ELFN1: variants seen among roughly 807,000 people sequenced by gnomAD.
ELFN1 encodes the protein protein ELFN1.
A neutral mutation model predicts 7.6 loss-of-function variants in ELFN1; 6 were observed. The ratio of observed to expected loss-of-function variants is 0.79; its 90% CI spans 0.43 to 1.56. The LOEUF is 1.56. Ranked by LOEUF, ELFN1 falls within the 40% of genes most tolerant of loss-of-function variation. The pLI is 0.01. For synonymous variants in ELFN1, 657 were observed against 588.1 expected (o/e 1.12, Z -1.70); for missense variants, 1,169 against 1,232.2 (o/e 0.95, Z 0.77).
chr7:1,717,205 C>T (rs1779862283), intron 3 of ELFN1, among the ~76,000 whole-genome samples: 1 of 152,194 alleles, frequency 6.6e-6, no homozygotes, highest in African/African-American at 2.4e-5. Flanking sequence ...AGAGCCGGAG[C>T]TCAGGAGAGC....
At chr7:1,684,817 AT>A (rs1371222042) in intron 1 of ELFN1, among the ~76,000 whole-genome samples, 2 of 152,156 alleles carry the variant, frequency 1.3e-5, no homozygotes, top group Non-Finnish European at 2.9e-5. Context: ...GTTATAACAT[AT>A]AACAATATAG....
intron 3 of ELFN1, among the ~76,000 whole-genome samples, chr7:1,736,740 G>C (rs1338709693): frequency 6.6e-6 from 1 of 152,174 alleles, no homozygotes; most frequent in South Asian, 2.1e-4. Flanking sequence ...TGTTAGGATG[G>C]GGGAAACTGA....
At position 1,739,946 on chromosome 7, in the gene ELFN1, GGTTT is replaced by G. The variant is rs1309112903; in HGVS notation, c.-293-4353_-293-4350del. ...GGCTGGAAGTTACACAGGTCAAGTT[GGTTT>G]GTTTTATGGAAGGTTCTAGAACTAC... On this transcript the variant is annotated intron_variant, in intron 3 of 3. Coordinates refer to ENST00000424383, the MANE Select transcript of ELFN1 (RefSeq NM_001128636.4). The surrounding 1 kb of genome is among the most constrained non-coding windows in gnomAD (Gnocchi z 4.6). 3.3e-5 allele frequency among the ~76,000 whole-genome samples: 5 copies of G among 152,196 alleles called. No individual in the cohort carries two copies. The highest frequency in any genetic ancestry group is 2.6e-4 in the Admixed American group (4 of 15,288).
chr7:1,743,742 G>C (rs1199879312), intron 3 of ELFN1, among the ~76,000 whole-genome samples: 1 of 152,198 alleles, frequency 6.6e-6, no homozygotes, highest in Non-Finnish European at 1.5e-5. Context: ...AGTGCGCAGG[G>C]TAGCTCCTAC....
Position 1,673,865 on chromosome 7 carries a change from C to T in ELFN1, c.-549+3511C>T, listed in dbSNP as rs1047456452. On this transcript the variant is annotated intron_variant, in intron 1 of 3. Transcript: ENST00000424383. This position sits in a 1 kb window ranked among gnomAD's most constrained non-coding sequence, Gnocchi z 4.7. ...GAGCTGTGGCTGGACCAGGCCTCCA[C>T]ACCTGTAGAGCTGTCCTGGGGCAGC... is the stretch of plus-strand genomic sequence containing the variant. 2.6e-5 allele frequency among the ~76,000 whole-genome samples: 4 copies of T among 152,238 alleles called. No homozygotes were observed. The highest frequency in any genetic ancestry group is 4.4e-5 in the Non-Finnish European group (3 of 68,040).
chr7:1,693,120 A>G, intron 2 of ELFN1: 1 of 345,804 alleles, frequency 2.9e-6, no homozygotes. Flanking sequence ...TAAGGGGTGC[A>G]GGCCCCCAGG....
chr7:1,725,014 C>G (rs1780147477), intron 3 of ELFN1, among the ~76,000 whole-genome samples: 3 of 152,224 alleles, frequency 2.0e-5, no homozygotes, highest in Admixed American at 2.0e-4. Flanking sequence ...GGGAGGGGCA[C>G]AGCCCAGGAG....
chr7:1,674,114 G>A (rs1445287044), intron 1 of ELFN1, among the ~76,000 whole-genome samples: 5 of 151,792 alleles, frequency 3.3e-5, no homozygotes, highest in African/African-American at 1.2e-4. Flanking sequence ...AGCCAGTGGG[G>A]AAACTGAGTC....
At chr7:1,680,737 AT>A (rs967183963) in intron 1 of ELFN1, among the ~76,000 whole-genome samples, 2,188 of 128,908 alleles carry the variant, frequency 0.017, 26 homozygotes, top group African/African-American at 0.051. Flanking sequence ...TGGATTTACA[AT>A]TTTTTTTTTT....
rs373993955 is a variant in ELFN1 at position 1,699,557 on chromosome 7, C to G, written c.-455-9534C>G. 5.3e-5 allele frequency among the ~76,000 whole-genome samples: 8 copies of G among 152,250 alleles called. 1 individual carries two copies. In the South Asian group the frequency reaches 1.0e-3, roughly 20 times the overall value. On this transcript the variant is annotated intron_variant, in intron 2 of 3. Coordinates refer to ENST00000424383, the MANE Select transcript of ELFN1 (RefSeq NM_001128636.4). ...TCAGGAGGCTGAGGTGGGAGGATCA[C>G]CTGAGCCCTAAGGGGTCCAGGTTGC...
At chr7:1,701,500 T>G (rs1779427904) in intron 2 of ELFN1, among the ~76,000 whole-genome samples, 1 of 152,240 alleles carries the variant, frequency 6.6e-6, no homozygotes, top group Non-Finnish European at 1.5e-5. Context: ...AATTCTTCCC[T>G]GTCTCTCAGT....
intron 1 of ELFN1, among the ~76,000 whole-genome samples, chr7:1,671,863 C>T (rs1485276249): frequency 6.6e-6 from 1 of 152,220 alleles, no homozygotes; most frequent in Admixed American, 6.5e-5. Flanking sequence ...GGGGGTCACC[C>T]CCTCACCTGG....
rs1235303009 is a variant in ELFN1, at chr7:1,744,770, C to G, written c.174C>G (p.Ile58Met). ...QPPYEAIPQQINSTIVDLRLN... is the reference protein window; with the variant it reads ...QPPYEAIPQQMNSTIVDLRLN... ...CCTACGAGGCCATCCCACAGCAGAT[C>G]AACAGCACCATCGTGGACCTGCGGC... is the stretch of plus-strand genomic sequence containing the variant. The change falls in exon 4 of 4, where the codon ATC becomes ATG. Residue 58 changes from isoleucine (I) to methionine (M), a missense_variant. This residue lies in a region of ELFN1 where 255 missense variants were observed against 359.6 expected (regional missense o/e 0.71). Coordinates refer to ENST00000424383, the MANE Select transcript of ELFN1 (RefSeq NM_001128636.4). 2 of 1,554,968 alleles carry G rather than the reference C, an allele frequency of 1.3e-6. No individual in the cohort carries two copies. Among genetic ancestry groups the G allele is most frequent in the African/African-American group, 2.7e-5 (2 of 73,250 alleles).
Position 1,747,222 on chromosome 7 carries a change from G to A in ELFN1, c.*139G>A, listed in dbSNP as rs1188522011. 1.9e-6 allele frequency: 2 copies of A among 1,030,324 alleles called. No individual in the cohort carries two copies. Among genetic ancestry groups the A allele is most frequent in the East Asian group, 2.9e-5 (1 of 34,792 alleles). The allele number at this position is 1,030,324 out of a possible 1,614,324, so 63.8% of individuals were successfully genotyped here. ...CCCTGCAGAGGCGAGGGGGGAGCGA[G>A]TGGGGACAGACAAGGGGGACACGTC... On this transcript the variant is annotated 3_prime_UTR_variant, in exon 4 of 4. Coordinates refer to ENST00000424383, the MANE Select transcript of ELFN1 (RefSeq NM_001128636.4).
rs1415256681 is a variant in ELFN1, at chr7:1,740,719, C to A, written c.-293-3585C>A. ...TAGCACAGCACCTGTCCAGCCTCTC[C>A]CCCCCGGCCCCTGACAGGAGGCTGC... On this transcript the variant is annotated intron_variant, in intron 3 of 3. Coordinates refer to ENST00000424383, the MANE Select transcript of ELFN1 (RefSeq NM_001128636.4). The surrounding 1 kb of genome is among the most constrained non-coding windows in gnomAD (Gnocchi z 5.0). 6.6e-6 allele frequency among the ~76,000 whole-genome samples: 1 copy of A among 152,166 alleles called. No homozygotes were observed. Among genetic ancestry groups the A allele is most frequent in the East Asian group, 1.9e-4 (1 of 5,178 alleles).
intron 2 of ELFN1, among the ~76,000 whole-genome samples, chr7:1,701,157 T>A (rs1779421031): frequency 6.6e-6 from 1 of 151,360 alleles, no homozygotes; most frequent in South Asian, 2.1e-4. Context: ...GGTGCACGCA[T>A]GTGTGTGTAT....
intron 2 of ELFN1, among the ~76,000 whole-genome samples, chr7:1,708,026 C>G (rs1534790): frequency 0.27 from 41,287 of 152,002 alleles, 5,780 homozygotes; most frequent in Non-Finnish European, 0.3. Context: ...CGCCTCTGCA[C>G]CAACCTCGCG....
In ELFN1 at chr7:1,680,811, G is replaced by C. The variant is rs552536349; in HGVS notation, c.-548-7247G>C. 1.7e-4 allele frequency among the ~76,000 whole-genome samples: 25 copies of C among 146,764 alleles called. No homozygotes were observed. In the South Asian group the frequency reaches 3.6e-3, roughly 21 times the overall value. ...GGCTGGAGTGCAGTGGTGCGTTCTC[G>C]GCTCACAGCAGCCTCCGCCTCCTGG... is the stretch of plus-strand genomic sequence containing the variant. On this transcript the variant is annotated intron_variant, in intron 1 of 3. Coordinates refer to ENST00000424383, the MANE Select transcript of ELFN1 (RefSeq NM_001128636.4).
chr7:1,683,482 C>T (rs1264940550), intron 1 of ELFN1, among the ~76,000 whole-genome samples: 2 of 151,998 alleles, frequency 1.3e-5, no homozygotes, highest in African/African-American at 2.4e-5. Context: ...CATAATATTC[C>T]TTTATATTTC....
Sources: gnomAD v4.1 joint callset for allele counts (sites outside exome capture counted in the v4.1 genomes callset) on GRCh38, gnomAD v4.1.1 for gene constraint, gnomAD v4.1.1 regional missense constraint, Gnocchi (gnomAD v3.1) non-coding constraint, MANE v1.5 for transcripts, NCBI Gene and HGNC (gene_info 2026-07-23, HGNC 2026-07-21) for gene names.